RNF175: variants seen among roughly 807,000 people sequenced by gnomAD.
The protein encoded by RNF175 is ring finger protein 175.
Under a neutral mutation model 50.0 loss-of-function variants are expected in RNF175, and 38 were observed. The ratio of observed to expected loss-of-function variants is 0.76; its 90% CI spans 0.59 to 1.00. The LOEUF is 1.00. Ranked by LOEUF, RNF175 falls within the 50% of genes least tolerant of loss-of-function variation. The pLI is 0.00. For missense variants in RNF175, 388 were observed against 409.6 expected (o/e 0.95, Z 0.46); for synonymous variants, 155 against 146.1 (o/e 1.06, Z -0.44).
intron 1 of RNF175, among the ~76,000 whole-genome samples, chr4:153,756,215 T>C (rs887525116): frequency 6.6e-6 from 1 of 152,238 alleles, no homozygotes; most frequent in East Asian, 1.9e-4. Context: ...CCATGTCCTT[T>C]TTATCCCTGT....
chr4:153,738,047 CCTTT>C (rs1041646129), intron 3 of RNF175, among the ~76,000 whole-genome samples: 5 of 151,688 alleles, frequency 3.3e-5, no homozygotes, highest in African/African-American at 1.2e-4. Context: ...TATGTAATGC[CCTTT>C]CTTTCTTTCT....
At chr4:153,734,168 C>T (rs1191136661) in intron 3 of RNF175, among the ~76,000 whole-genome samples, 1 of 152,152 alleles carries the variant, frequency 6.6e-6, no homozygotes, top group Non-Finnish European at 1.5e-5. Context: ...TAAATATTTG[C>T]ATGCAGGTTT....
At chr4:153,737,723 T>C (rs746527095) in intron 3 of RNF175, among the ~76,000 whole-genome samples, 12 of 152,182 alleles carry the variant, frequency 7.9e-5, no homozygotes, top group Non-Finnish European at 1.6e-4. Context: ...GCTCAGAATG[T>C]GGTGTATTTT....
intron 3 of RNF175, among the ~76,000 whole-genome samples, chr4:153,731,102 T>C (rs1739007926): frequency 2.0e-5 from 3 of 152,242 alleles, no homozygotes. Context: ...ATTTTCTCAA[T>C]ATATGAAGGG....
chr4:153,741,557 C>G (rs182776497), intron 3 of RNF175, among the ~76,000 whole-genome samples: 27 of 152,302 alleles, frequency 1.8e-4, no homozygotes, highest in African/African-American at 6.5e-4. Flanking sequence ...CTGTGATTTC[C>G]TGCATTCATC....
intron 4 of RNF175, among the ~76,000 whole-genome samples, chr4:153,724,272 C>T (rs1738535450): frequency 6.6e-6 from 1 of 152,208 alleles, no homozygotes; most frequent in Non-Finnish European, 1.5e-5. Context: ...AGCTTCATGT[C>T]TAGGAGGATG....
chr4:153,758,065 A>G (rs528343571), intron 1 of RNF175, among the ~76,000 whole-genome samples: 1 of 152,312 alleles, frequency 6.6e-6, no homozygotes, highest in African/African-American at 2.4e-5. Flanking sequence ...AGGTTCTTAG[A>G]CAATCAAATA....
intron 1 of RNF175, among the ~76,000 whole-genome samples, chr4:153,758,620 A>C (rs1478170419): frequency 6.6e-6 from 1 of 152,160 alleles, no homozygotes; most frequent in Non-Finnish European, 1.5e-5. Flanking sequence ...ATGGAGTTTC[A>C]TTTTAAGTTT....
rs754691648 is a variant in RNF175, at chr4:153,728,243, C to G, written c.365G>C (p.Arg122Thr). Residue 122 changes from arginine (R) to threonine (T), a missense_variant, in exon 4 of 9, where the codon AGA becomes ACA. Coordinates refer to ENST00000347063, the MANE Select transcript of RNF175 (RefSeq NM_173662.4). ...FSVITSYILF[R>T]ATRKPLSGRT... Reference sequence around the variant, plus strand: ...TCCTGAGAGGGGTTTTCGGGTAGCTCTGAAGAGGATGTAACTGGTAATAAC... The same window carrying G: ...TCCTGAGAGGGGTTTTCGGGTAGCTGTGAAGAGGATGTAACTGGTAATAAC... 27 of 1,613,594 alleles carry G rather than the reference C, an allele frequency of 1.7e-5. No individual in the cohort carries two copies. The highest frequency in any genetic ancestry group is 2.0e-5 in the Non-Finnish European group (24 of 1,179,702).
At chr4:153,712,133 A>G (rs1421115980) in intron 8 of RNF175, among the ~76,000 whole-genome samples, 5 of 152,174 alleles carry the variant, frequency 3.3e-5, no homozygotes, top group Non-Finnish European at 5.9e-5. Flanking sequence ...CTACCCACCC[A>G]TCCAGTTCAC....
intron 6 of RNF175, 131 bp from the exon 7 acceptor site, chr4:153,715,793 G>C: frequency 1.1e-6 from 1 of 885,058 alleles, no homozygotes; most frequent in East Asian, 2.7e-5. Flanking sequence ...GCCGGGCATG[G>C]TGGCTCATGC....
intron 5 of RNF175, 150 bp downstream of exon 5, chr4:153,723,201 C>T: frequency 2.2e-6 from 1 of 459,480 alleles, no homozygotes; most frequent in African/African-American, 1.9e-5. Context: ...ATTGGTTTTC[C>T]CCAGAGAAGA....
chr4:153,753,238 G>T (rs1166156302), intron 1 of RNF175, among the ~76,000 whole-genome samples: 2 of 152,196 alleles, frequency 1.3e-5, no homozygotes, highest in Non-Finnish European at 2.9e-5. Context: ...GGCTCCTAGG[G>T]CGTCTAGAAG....
chr4:153,744,227 G>C (rs1433024050), intron 3 of RNF175, among the ~76,000 whole-genome samples: 1 of 152,134 alleles, frequency 6.6e-6, no homozygotes, highest in Admixed American at 6.5e-5. Flanking sequence ...TTTCAGACCA[G>C]CCTGGCCAAC....
At chr4:153,726,316 G>C (rs2127118183) in intron 4 of RNF175, among the ~76,000 whole-genome samples, 1 of 152,204 alleles carries the variant, frequency 6.6e-6, no homozygotes, top group African/African-American at 2.4e-5. Context: ...TGTTTGCCAG[G>C]CTGGTCTCAA....
Position 153,759,809 on chromosome 4 carries a change from C to G in RNF175, c.54G>C (p.Pro18=). 1 of 1,476,244 alleles carries G rather than the reference C, an allele frequency of 6.8e-7. No homozygotes were observed. The highest frequency in any genetic ancestry group is 8.9e-7 in the Non-Finnish European group (1 of 1,121,318). 91.4% of individuals were successfully genotyped at this position (1,476,244 alleles called of 1,614,324 possible). A position where few individuals can be genotyped will look rare whatever the true frequency, so the allele number is the denominator to read the frequency against. Residue 18 remains proline, a synonymous_variant, in exon 1 of 9, where the codon CCG becomes CCC. Transcript: ENST00000347063. The part of the protein sequence containing the change: ...RKAAPVLEAP[P]QQEQLSHTKL... ...CCCGCGCCAGTACCTGCTCCTGCTG[C>G]GGGGGGGCCTCCAGCACCGGCGCTG...
At chr4:153,734,665 CTTTTTTTTTTTTTTTT>C (rs56211482) in intron 3 of RNF175, among the ~76,000 whole-genome samples, 3 of 73,178 alleles carry the variant, frequency 4.1e-5, no homozygotes, top group African/African-American at 2.5e-4. Flanking sequence ...TTTTTTTATT[CTTTTTTTTTTTTTTTT>C]TTTTTTTTTT....
At chr4:153,742,272 CAAAAAA>C (rs34991607) in intron 3 of RNF175, among the ~76,000 whole-genome samples, 2 of 103,924 alleles carry the variant, frequency 1.9e-5, no homozygotes, top group Non-Finnish European at 3.6e-5. Flanking sequence ...GCTTCTGTTC[CAAAAAA>C]AAAAAAAAAA....
intron 5 of RNF175, among the ~76,000 whole-genome samples, chr4:153,722,652 C>T (rs1409397102): frequency 6.6e-6 from 1 of 151,946 alleles, no homozygotes; most frequent in Non-Finnish European, 1.5e-5. Context: ...CCAAGTATCC[C>T]CAACACAAGG....
Sources: allele counts gnomAD v4.1 joint callset (sites outside exome capture counted in the v4.1 genomes callset), GRCh38; gene constraint gnomAD v4.1.1; transcripts MANE v1.5; gene names NCBI Gene and HGNC (gene_info 2026-07-23, HGNC 2026-07-21).